The following PLXNA4 variants were observed in gnomAD, a reference collection of about 807,000 sequenced individuals.
The protein encoded by PLXNA4 is plexin A4, also known as plexin-A4.
Under a neutral mutation model 191.8 loss-of-function variants are expected in PLXNA4, and 44 were observed. The ratio of observed to expected loss-of-function variants is 0.23; its 90% CI spans 0.18 to 0.29. The LOEUF is 0.29. Among genes scored for constraint, PLXNA4 ranks in the 10% least tolerant of loss-of-function variants. The pLI, the probability that PLXNA4 is intolerant of heterozygous loss-of-function variation, is 1.00. For synonymous variants in PLXNA4, 1,082 were observed against 1,009.5 expected (o/e 1.07, Z -1.36); for missense variants, 1,800 against 2,488.8 (o/e 0.72, Z 5.89).
At chr7:132,545,639 C>T (rs115287753) in intron 1 of PLXNA4, among the ~76,000 whole-genome samples, 1 of 152,018 alleles carries the variant, frequency 6.6e-6, no homozygotes, top group Admixed American at 6.6e-5. Context: ...TCTCCAAATG[C>T]CTTTATTCCA....
intron 9 of PLXNA4, 100 bp downstream of exon 9, chr7:132,223,427 C>T (rs932509738): frequency 9.9e-7 from 1 of 1,009,594 alleles, no homozygotes; most frequent in Non-Finnish European, 1.5e-6. Flanking sequence ...GGTGGTCCTG[C>T]ACAGTTTTCC....
intron 1 of PLXNA4, among the ~76,000 whole-genome samples, chr7:132,524,489 T>C (rs1799319569): frequency 6.6e-6 from 1 of 152,190 alleles, no homozygotes; most frequent in Non-Finnish European, 1.5e-5. Flanking sequence ...GTGCCCTGGG[T>C]TCCCCATTAT....
chr7:132,600,891 T>G (rs1295164476), intron 2 of PLXNA4, among the ~76,000 whole-genome samples: 3 of 152,176 alleles, frequency 2.0e-5, no homozygotes, highest in Non-Finnish European at 4.4e-5. Flanking sequence ...AATTCACTTT[T>G]GGTTATATTA....
intron 3 of PLXNA4, among the ~76,000 whole-genome samples, chr7:132,372,633 C>T (rs1480309737): frequency 6.6e-6 from 1 of 152,228 alleles, no homozygotes; most frequent in East Asian, 1.9e-4. Flanking sequence ...ACCTCACACA[C>T]TGGAAACCAG....
intron 3 of PLXNA4, among the ~76,000 whole-genome samples, chr7:132,350,099 A>C (rs146716334): frequency 1.3e-5 from 2 of 152,332 alleles, no homozygotes; most frequent in Middle Eastern, 3.4e-3. Context: ...GTTAAGATTC[A>C]GATAAGTAAG....
At chr7:132,269,154 C>T (rs186340230) in intron 4 of PLXNA4, among the ~76,000 whole-genome samples, 55 of 152,280 alleles carry the variant, frequency 3.6e-4, no homozygotes, top group African/African-American at 1.2e-3. Context: ...TCTGCTCCTT[C>T]CCCTTCTTCC....
intron 3 of PLXNA4, among the ~76,000 whole-genome samples, chr7:132,414,848 C>T (rs1794602937): frequency 6.6e-6 from 1 of 152,166 alleles, no homozygotes; most frequent in African/African-American, 2.4e-5. Context: ...TCATGGAACC[C>T]GCAATCCCTA....
intron 1 of PLXNA4, among the ~76,000 whole-genome samples, chr7:132,544,373 T>C (rs545812493): frequency 6.6e-6 from 1 of 152,170 alleles, no homozygotes; most frequent in Non-Finnish European, 1.5e-5. Context: ...ACCCATTTTG[T>C]GATATTAGAG....
At chr7:132,263,136 G>A (rs545248945) in intron 4 of PLXNA4, among the ~76,000 whole-genome samples, 4 of 152,300 alleles carry the variant, frequency 2.6e-5, no homozygotes, top group East Asian at 3.9e-4. Flanking sequence ...GGGAGGCTGA[G>A]CTTCTCCCCT....
chr7:132,365,360 T>TGCGCGCGCGC lies in PLXNA4; in HGVS notation c.1372-67139_1372-67138insGCGCGCGCGC, dbSNP rs58311131. The stretch of plus-strand genomic sequence containing the variant: ...GTGTGTGTGTGTGTGTGTGTGTGTG[T>TGCGCGCGCGC]GCGTGCGCGCGCATGCATGGGGCAA... On this transcript the variant is annotated intron_variant, in intron 3 of 31. Coordinates refer to ENST00000321063, the MANE Select transcript of PLXNA4 (RefSeq NM_020911.2). Among the ~76,000 whole-genome samples the TGCGCGCGCGC allele has an allele frequency of 7.8e-5, 10 of 128,826 alleles. No individual in the cohort carries two copies. The East Asian group carries it at 1.3e-3, about 16-fold the overall frequency. 84.5% of individuals were successfully genotyped at this position (128,826 alleles called of 152,430 possible). A position where few individuals can be genotyped will look rare whatever the true frequency, so the allele number is the denominator to read the frequency against.
chr7:132,292,088 C>A (rs1285865248), intron 4 of PLXNA4, among the ~76,000 whole-genome samples: 1 of 152,216 alleles, frequency 6.6e-6, no homozygotes, highest in South Asian at 2.1e-4. Flanking sequence ...AGCCCCCACA[C>A]TCAGCCCCCA....
intron 3 of PLXNA4, among the ~76,000 whole-genome samples, chr7:132,378,122 G>C (rs1332625303): frequency 6.6e-6 from 1 of 152,080 alleles, no homozygotes; most frequent in South Asian, 2.1e-4. Flanking sequence ...CAATTATCTT[G>C]TTTCTGTGAG....
intron 3 of PLXNA4, among the ~76,000 whole-genome samples, chr7:132,420,816 T>C (rs1794823420): frequency 6.6e-6 from 1 of 152,184 alleles, no homozygotes; most frequent in Admixed American, 6.5e-5. Flanking sequence ...CGAGATCTGA[T>C]GGTTTTAAAA....
intron 2 of PLXNA4, among the ~76,000 whole-genome samples, chr7:132,630,925 C>T (rs1227863179): frequency 1.3e-5 from 2 of 152,196 alleles, no homozygotes; most frequent in Non-Finnish European, 2.9e-5. Context: ...TGTTAAACTG[C>T]AACCTTTATT....
chr7:132,378,847 CTTT>C (rs11375919), intron 3 of PLXNA4, among the ~76,000 whole-genome samples: 7 of 119,034 alleles, frequency 5.9e-5, no homozygotes, highest in Non-Finnish European at 5.1e-5. Context: ...GGCACTGGAT[CTTT>C]TTTTTTTTTT....
intron 9 of PLXNA4, among the ~76,000 whole-genome samples, chr7:132,213,566 C>G (rs565641368): frequency 6.6e-6 from 1 of 152,272 alleles, no homozygotes; most frequent in East Asian, 1.9e-4. Context: ...GTGCCCCCCA[C>G]CACAGCCGCT....
In PLXNA4 at chr7:132,625,644, G is replaced by T. The variant is rs566071800; in HGVS notation, c.-87+20284C>A. Among the ~76,000 whole-genome samples, 6 of 152,236 alleles carry T rather than the reference G, an allele frequency of 3.9e-5. No homozygotes were observed. The South Asian group carries it at 1.0e-3, about 26-fold the overall frequency. The stretch of plus-strand genomic sequence containing the variant: ...CAATCCGTTCATCCTCATGCATTTG[G>T]CACATGTGTACCAGCACTGTGCTGA... On this transcript the variant is annotated intron_variant, in intron 2 of 4. Transcript: ENST00000378539.
At chr7:132,278,093 T>C (rs1329251460) in intron 4 of PLXNA4, among the ~76,000 whole-genome samples, 1 of 152,202 alleles carries the variant, frequency 6.6e-6, no homozygotes, top group Non-Finnish European at 1.5e-5. Context: ...AGTATGCAAA[T>C]GCAGAACATG....
At chr7:132,274,848 TC>T (rs1800212750) in intron 4 of PLXNA4, among the ~76,000 whole-genome samples, 2 of 141,980 alleles carry the variant, frequency 1.4e-5, no homozygotes, top group South Asian at 5.1e-4. Flanking sequence ...CCTCAACTAA[TC>T]CTCCTACTTT....
Sources: allele counts gnomAD v4.1 joint callset (sites outside exome capture counted in the v4.1 genomes callset), GRCh38; gene constraint gnomAD v4.1.1; transcripts MANE v1.5; gene names NCBI Gene and HGNC (gene_info 2026-07-23, HGNC 2026-07-21).